IGSF10: variants seen among roughly 807,000 people sequenced by gnomAD.
IGSF10 encodes calvaria mechanical force protein 608.
In IGSF10, 126 loss-of-function variants were observed where a neutral mutation model predicts 128.2. The observed-to-expected ratio is 0.98, with a 90% CI of 0.85 to 1.14. IGSF10 has a LOEUF of 1.14. Among genes scored for constraint, IGSF10 ranks in the 50% most tolerant of loss-of-function variants. The probability of loss-of-function intolerance (pLI) is 0.00; values close to 1 mark genes in which losing one functional copy is unlikely to be tolerated. For synonymous variants in IGSF10, 1,185 were observed against 1,146.2 expected, an observed-to-expected ratio of 1.03 and a Z score of -0.68; for missense variants, 3,295 against 3,149.8, an observed-to-expected ratio of 1.05 and a Z score of -1.10.
At chr3:151,512,417 G>T in the IGSF10 span, among the ~76,000 whole-genome samples, 19 of 152,128 alleles carry the variant, frequency 1.2e-4, no homozygotes, top group Non-Finnish European at 2.8e-4. Flanking sequence ...AAACCAACGA[G>T]AACAAAGACA....
At chr3:151,601,451 T>C in the IGSF10 span, among the ~76,000 whole-genome samples, 1 of 152,142 alleles carries the variant, frequency 6.6e-6, no homozygotes, top group Admixed American at 6.5e-5. Flanking sequence ...ACATGCTTAT[T>C]TGAGTAAATT....
Position 151,438,455 on chromosome 3 carries a change from T to G in IGSF10, c.6106A>C (p.Lys2036Gln), listed in dbSNP as rs1326198934. The change falls in exon 8 of 8, where the codon AAA becomes CAA. Residue 2036 changes from lysine (K) to glutamine (Q), a missense_variant. Physicochemically the swap from Lys to Gln is moderately conservative, Grantham distance 53. Transcript: ENST00000282466. ...TGCTTGTGGTCAATTTTGGCAGGTT[T>G]CAGTCTTAGGCTAACATGCATCAGT... ...LILMHVSLRL[K>Q]PAKIDHKQYF... is the part of the protein sequence containing the mutation. 1 of 1,614,184 alleles carries G rather than the reference T, an allele frequency of 6.2e-7. No homozygotes were observed.
the IGSF10 span, among the ~76,000 whole-genome samples, chr3:151,610,425 A>G: frequency 6.6e-6 from 1 of 152,196 alleles, no homozygotes; most frequent in African/African-American, 2.4e-5. Flanking sequence ...ACATGGGACA[A>G]AGCAAATTAA....
At chr3:151,547,906 T>C in the IGSF10 span, among the ~76,000 whole-genome samples, 2 of 152,230 alleles carry the variant, frequency 1.3e-5, no homozygotes, top group Non-Finnish European at 2.9e-5. Context: ...CCAGTTTTAC[T>C]GTTTGAGCAA....
At chr3:151,498,797 T>C in the IGSF10 span, among the ~76,000 whole-genome samples, 2 of 152,260 alleles carry the variant, frequency 1.3e-5, no homozygotes, top group East Asian at 1.9e-4. Context: ...ATGGACCTCA[T>C]TGTTAACAAC....
the IGSF10 span, among the ~76,000 whole-genome samples, chr3:151,584,430 A>G: frequency 6.6e-6 from 1 of 152,136 alleles, no homozygotes; most frequent in African/African-American, 2.4e-5. Flanking sequence ...ATTTAGGTTT[A>G]TGCTCACCAT....
the IGSF10 span, among the ~76,000 whole-genome samples, chr3:151,553,471 CA>C: frequency 6.6e-6 from 1 of 151,784 alleles, no homozygotes; most frequent in Admixed American, 6.6e-5. Flanking sequence ...AGAAATGAAC[CA>C]AAAATGTTTC....
chr3:151,601,780 G>C, the IGSF10 span, among the ~76,000 whole-genome samples: 27 of 152,308 alleles, frequency 1.8e-4, no homozygotes, highest in South Asian at 4.6e-3. Flanking sequence ...CCAGGAACAT[G>C]AGGGCATTAA....
the IGSF10 span, among the ~76,000 whole-genome samples, chr3:151,579,547 A>G: frequency 6.6e-6 from 1 of 152,038 alleles, no homozygotes; most frequent in Admixed American, 6.6e-5. Flanking sequence ...AACAAAAAAT[A>G]TGTAGTAACA....
upstream of IGSF10, among the ~76,000 whole-genome samples, chr3:151,464,636 T>TA (rs893054900): frequency 2.0e-5 from 3 of 152,198 alleles, no homozygotes; most frequent in Non-Finnish European, 4.4e-5. Flanking sequence ...CCAAAATTGT[T>TA]ACATATCTTT....
At chr3:151,608,266 G>T in the IGSF10 span, among the ~76,000 whole-genome samples, 1 of 152,198 alleles carries the variant, frequency 6.6e-6, no homozygotes, top group Non-Finnish European at 1.5e-5. Context: ...TGTGTCTAAG[G>T]TAAGGCTTCT....
At chr3:151,518,020 A>G in the IGSF10 span, among the ~76,000 whole-genome samples, 1 of 151,934 alleles carries the variant, frequency 6.6e-6, no homozygotes, top group Non-Finnish European at 1.5e-5. Context: ...GGTGCTTTCA[A>G]TGACTAATCA....
chr3:151,512,020 C>T, the IGSF10 span, among the ~76,000 whole-genome samples: 79 of 152,230 alleles, frequency 5.2e-4, no homozygotes, highest in African/African-American at 1.8e-3. Flanking sequence ...TAACGGGAGA[C>T]TTTAACACCC....
rs1720994463 is a variant in IGSF10, at chr3:151,443,580, TTC to T, written c.5365_5366del (p.Glu1789IlefsTer6). On this transcript the variant is annotated frameshift_variant, in exon 7 of 8. Coordinates refer to ENST00000282466, the MANE Select transcript of IGSF10 (RefSeq NM_178822.5). LOFTEE classifies it high-confidence loss of function. ...CAGCCTGCCTACTTCCCTGGGATGA[TTC>T]TGAGACAACTGTTTGGTTTGCAAGA... ...WILANQTVVS[E>X]SSQGSRQAVV... is the part of the protein sequence containing the mutation. 3.7e-6 allele frequency: 6 copies of T among 1,614,210 alleles called. 1 individual carries two copies. The East Asian group carries it at 1.3e-4, about 36-fold the overall frequency.
chr3:151,544,215 A>G, the IGSF10 span, among the ~76,000 whole-genome samples: 1 of 152,104 alleles, frequency 6.6e-6, no homozygotes, highest in Admixed American at 6.5e-5. Flanking sequence ...GGCCTGTCAA[A>G]TGTCTTTTAA....
At chr3:151,542,566 T>A in the IGSF10 span, among the ~76,000 whole-genome samples, 4 of 152,228 alleles carry the variant, frequency 2.6e-5, no homozygotes, top group African/African-American at 9.6e-5. Flanking sequence ...TATATTCTGC[T>A]GTGGATACAT....
At chr3:151,586,049 A>G in the IGSF10 span, among the ~76,000 whole-genome samples, 1 of 150,488 alleles carries the variant, frequency 6.6e-6, no homozygotes, top group Non-Finnish European at 1.5e-5. Context: ...TTGTGATCAC[A>G]GCTCACTGCA....
the IGSF10 span, among the ~76,000 whole-genome samples, chr3:151,541,467 TATAGTC>T: frequency 2.0e-5 from 3 of 152,174 alleles, no homozygotes; most frequent in South Asian, 2.1e-4. Flanking sequence ...TCAGTTTTCT[TATAGTC>T]ATATAGATGA....
At chr3:151,510,513 A>G in the IGSF10 span, among the ~76,000 whole-genome samples, 4 of 151,966 alleles carry the variant, frequency 2.6e-5, no homozygotes, top group Admixed American at 2.6e-4. Flanking sequence ...AAAGACGGGG[A>G]AAAAACAGAG....
Sources: allele counts gnomAD v4.1 joint callset (sites outside exome capture counted in the v4.1 genomes callset), GRCh38; gene constraint gnomAD v4.1.1; transcripts MANE v1.5; gene names NCBI Gene and HGNC (gene_info 2026-07-23, HGNC 2026-07-21).